PCDHA1: variants seen among roughly 807,000 people sequenced by gnomAD.
PCDHA1 encodes protocadherin alpha-1.
A neutral mutation model predicts 61.3 loss-of-function variants in PCDHA1; 42 were observed. The ratio of observed to expected loss-of-function variants is 0.69; its 90% CI spans 0.54 to 0.89. The LOEUF is 0.89. Ranked by LOEUF, PCDHA1 falls within the 40% of genes least tolerant of loss-of-function variation. PCDHA1 has a pLI of 0.00. For missense variants in PCDHA1, 1,256 were observed against 1,235.3 expected (o/e 1.02, Z -0.25); for synonymous variants, 610 against 553.8 (o/e 1.10, Z -1.43).
intron 1 of PCDHA1, chr5:140,856,729 G>T: frequency 1.3e-6 from 2 of 1,595,560 alleles, no homozygotes; most frequent in East Asian, 2.2e-5. Flanking sequence ...CTGTTTCTCT[G>T]CTGATCCTGG....
chr5:140,816,152 C>T (rs1339858061), intron 1 of PCDHA1: 3 of 152,146 alleles, frequency 2.0e-5, no homozygotes, highest in East Asian at 1.9e-4. Flanking sequence ...GCAGCCTGCT[C>T]GAGGATGTCC....
At chr5:140,791,195 T>G (rs1054450307) in intron 1 of PCDHA1, among the ~76,000 whole-genome samples, 1 of 152,238 alleles carries the variant, frequency 6.6e-6, no homozygotes, top group Non-Finnish European at 1.5e-5. Context: ...CTGAGAATGC[T>G]GGAGGATTTC....
intron 1 of PCDHA1, chr5:140,927,330 G>A (rs2084093036): frequency 6.2e-7 from 1 of 1,614,140 alleles, no homozygotes; most frequent in Non-Finnish European, 8.5e-7. Flanking sequence ...TTACTCTCCC[G>A]AATGCCCAAG....
At chr5:140,980,076 G>A (rs2096875671) in intron 2 of PCDHA1, among the ~76,000 whole-genome samples, 1 of 152,214 alleles carries the variant, frequency 6.6e-6, no homozygotes, top group South Asian at 2.1e-4. Flanking sequence ...AAGGGCTGAA[G>A]ATTAGTAGTT....
At chr5:140,991,648 A>G (rs2097463830) in intron 3 of PCDHA1, among the ~76,000 whole-genome samples, 1 of 152,192 alleles carries the variant, frequency 6.6e-6, no homozygotes, top group Non-Finnish European at 1.5e-5. Context: ...GTTCATGACA[A>G]TTTAGGTTTG....
chr5:140,912,393 G>T (rs1312827248), intron 1 of PCDHA1, among the ~76,000 whole-genome samples: 1 of 147,816 alleles, frequency 6.8e-6, no homozygotes, highest in Admixed American at 6.7e-5. Context: ...TTCTTAATTT[G>T]ATTCTCAGCT....
chr5:140,843,779 T>A, intron 1 of PCDHA1: 1 of 1,431,270 alleles, frequency 7.0e-7, no homozygotes, highest in African/African-American at 1.4e-5. Flanking sequence ...ACTTTAAAAG[T>A]GTTTCAGATT....
chr5:140,905,882 A>G (rs1213836068), intron 1 of PCDHA1, among the ~76,000 whole-genome samples: 1 of 152,192 alleles, frequency 6.6e-6, no homozygotes, highest in Admixed American at 6.5e-5. Context: ...GCCCAACAAT[A>G]GGCCATCTGC....
chr5:140,852,714 G>T, intron 1 of PCDHA1: 2 of 980,718 alleles, frequency 2.0e-6, no homozygotes, highest in South Asian at 9.5e-5. Flanking sequence ...CTTTGTCTTT[G>T]CACGTTTTTC....
chr5:140,875,009 G>A (rs1238943643), intron 1 of PCDHA1, among the ~76,000 whole-genome samples: 2 of 152,216 alleles, frequency 1.3e-5, no homozygotes, highest in Admixed American at 6.5e-5. Flanking sequence ...CCATGATAAA[G>A]TGTAGGTTCT....
intron 1 of PCDHA1, among the ~76,000 whole-genome samples, chr5:140,912,449 A>G (rs2075925716): frequency 6.6e-6 from 1 of 151,398 alleles, no homozygotes; most frequent in South Asian, 2.1e-4. Flanking sequence ...GTGTGCATTG[A>G]TTTTGTATCC....
intron 1 of PCDHA1, chr5:140,968,856 G>A (rs782749305): frequency 1.2e-6 from 2 of 1,614,184 alleles, no homozygotes; most frequent in South Asian, 1.1e-5. Flanking sequence ...CATGTTAAGA[G>A]CCCTCGGACA....
chr5:140,937,953 T>G (rs955302275), intron 1 of PCDHA1, among the ~76,000 whole-genome samples: 5 of 152,174 alleles, frequency 3.3e-5, no homozygotes, highest in South Asian at 2.1e-4. Flanking sequence ...TGGCTTTTGT[T>G]GAAAGTATAT....
In PCDHA1 at chr5:140,842,895, A is replaced by G; in HGVS notation, c.2394+54211A>G. On this transcript the variant is annotated intron_variant, in intron 1 of 3. Coordinates refer to ENST00000504120, the MANE Select transcript of PCDHA1 (RefSeq NM_018900.4). ...GTGTACGCGCTGCAGCCGCTGGACC[A>G]CGAGGAGCTAGAGCTGCTGCAGTTC... 8 of 1,594,156 alleles carry G rather than the reference A, an allele frequency of 5.0e-6. 1 individual carries two copies. Among genetic ancestry groups the G allele is most frequent in the Non-Finnish European group, 6.9e-6 (8 of 1,165,410 alleles).
rs1485742296 is a variant in PCDHA1, at chr5:140,974,143, T to C, written c.2395-4806T>C. On this transcript the variant is annotated intron_variant, in intron 1 of 3. Transcript: ENST00000504120. ...GTTTTAAATCTGCTAACCTGAAAACTATACAAGGGTTTTTCTTTCAAGAAT... is the reference window on the plus strand; with the variant it reads ...GTTTTAAATCTGCTAACCTGAAAACCATACAAGGGTTTTTCTTTCAAGAAT... 2.0e-5 allele frequency among the ~76,000 whole-genome samples: 3 copies of C among 152,324 alleles called. No homozygotes were observed. The East Asian group carries it at 5.8e-4, about 29-fold the overall frequency.
intron 1 of PCDHA1, chr5:140,814,382 A>T (rs1263757403): frequency 6.6e-6 from 1 of 152,026 alleles, no homozygotes; most frequent in Non-Finnish European, 1.5e-5. Flanking sequence ...CTCCTATGAT[A>T]ACAATATCTT....
At position 140,803,034 on chromosome 5, in the gene PCDHA1, C is replaced by T. The variant is rs782709763; in HGVS notation, c.2394+14350C>T. On this transcript the variant is annotated intron_variant, in intron 1 of 3. Transcript: ENST00000504120. ...CGCGTGGCTTTCGTATGAGCTGCAGCCTGGGACCGGCGGTGCGCGCATCCC... is the reference window on the plus strand; with the variant it reads ...CGCGTGGCTTTCGTATGAGCTGCAGTCTGGGACCGGCGGTGCGCGCATCCC... 8 of 1,614,030 alleles carry T rather than the reference C, an allele frequency of 5.0e-6. No homozygotes were observed. The East Asian group carries it at 1.8e-4, about 36-fold the overall frequency.
At position 140,788,448 on chromosome 5, in the gene PCDHA1, GC is replaced by G; in HGVS notation, c.2159del (p.Ala720GlyfsTer93). 6.2e-7 allele frequency: 1 copy of G among 1,614,114 alleles called. No homozygotes were observed. Among genetic ancestry groups the G allele is most frequent in the Non-Finnish European group, 8.5e-7 (1 of 1,179,992 alleles). On this transcript the variant is annotated frameshift_variant, in exon 1 of 4. Transcript: ENST00000504120. LOFTEE classifies it high-confidence loss of function. Reference protein sequence around the residue: ...LLVLTLLLYTALRCSVPPTEG... With the variant: ...LLVLTLLLYTXLRCSVPPTEG... ...GGTGCTCACACTGCTGCTGTACACG[GC>G]GCTGCGGTGCTCAGTGCCGCCCACT... is the stretch of plus-strand genomic sequence containing the variant.
chr5:140,869,247 C>T (rs1186478553), intron 1 of PCDHA1: 8 of 1,613,526 alleles, frequency 5.0e-6, no homozygotes, highest in Middle Eastern at 1.7e-4. Flanking sequence ...TGGGCCGCAT[C>T]GCGCAGGACC....
Sources: gnomAD v4.1 joint callset for allele counts (sites outside exome capture counted in the v4.1 genomes callset) on GRCh38, gnomAD v4.1.1 for gene constraint, MANE v1.5 for transcripts, NCBI Gene and HGNC (gene_info 2026-07-23, HGNC 2026-07-21) for gene names.